RAD23B: variants seen among roughly 807,000 people sequenced by gnomAD.
The protein encoded by RAD23B is RAD23 nucleotide excision repair protein B, also known as lysine-specific demethylase RAD23B.
A neutral mutation model predicts 49.1 loss-of-function variants in RAD23B; 5 were observed. That is an observed-to-expected ratio of 0.10 (90% CI 0.05 to 0.21). The LOEUF (loss-of-function observed/expected upper bound fraction) is 0.21. Among genes scored for constraint, RAD23B ranks in the 10% least tolerant of loss-of-function variants. The probability of loss-of-function intolerance (pLI) is 1.00; values close to 1 mark genes in which losing one functional copy is unlikely to be tolerated. For synonymous variants in RAD23B, 184 were observed against 165.4 expected, an observed-to-expected ratio of 1.11 and a Z score of -0.86; for missense variants, 356 against 486.7, an observed-to-expected ratio of 0.73 and a Z score of 2.53.
At chr9:107,291,530 A>G (rs1024901445) in intron 1 of RAD23B, among the ~76,000 whole-genome samples, 4 of 152,172 alleles carry the variant, frequency 2.6e-5, no homozygotes, top group Non-Finnish European at 4.4e-5. Context: ...TATTGTTTCA[A>G]TTGTAAAAAT....
intron 9 of RAD23B, among the ~76,000 whole-genome samples, chr9:107,327,304 A>C (rs1827225529): frequency 6.6e-6 from 1 of 151,600 alleles, no homozygotes; most frequent in African/African-American, 2.4e-5. Flanking sequence ...GCTTGCTTCT[A>C]GTTTGTTCTT....
At chr9:107,285,614 T>C (rs1422309039) in intron 1 of RAD23B, among the ~76,000 whole-genome samples, 1 of 152,244 alleles carries the variant, frequency 6.6e-6, no homozygotes, top group East Asian at 1.9e-4. Flanking sequence ...CTATTTTTGC[T>C]GTTTTCCAGT....
intron 6 of RAD23B, among the ~76,000 whole-genome samples, chr9:107,321,266 A>AT (rs369191339): frequency 0.032 from 46 of 1,440 alleles, no homozygotes; most frequent in East Asian, 0.17. Flanking sequence ...TAAGTATCTC[A>AT]TTTATGAGAT....
chr9:107,306,045 T>TAA (rs1564245432), intron 3 of RAD23B, among the ~76,000 whole-genome samples: 1 of 26,800 alleles, frequency 3.7e-5, no homozygotes, highest in African/African-American at 1.3e-4. Flanking sequence ...ATGATACGGT[T>TAA]TATATCTATA....
chr9:107,302,864 G>C (rs1826686471), intron 3 of RAD23B, among the ~76,000 whole-genome samples: 1 of 151,948 alleles, frequency 6.6e-6, no homozygotes, highest in Non-Finnish European at 1.5e-5. Context: ...CACCGTGTTA[G>C]CCAGGATGGT....
At chr9:107,311,815 G>A (rs1826895022) in intron 5 of RAD23B, 78 bp downstream of exon 5, 4 of 1,117,720 alleles carry the variant, frequency 3.6e-6, no homozygotes, top group Non-Finnish European at 5.1e-6. Flanking sequence ...CATGATAAAA[G>A]TGTTAATAAT....
chr9:107,305,868 G>C (rs554002798), intron 3 of RAD23B, among the ~76,000 whole-genome samples: 8 of 151,790 alleles, frequency 5.3e-5, no homozygotes, highest in Middle Eastern at 6.8e-3. Flanking sequence ...CTAGCGCTTT[G>C]GGAGCCCGTG....
At chr9:107,321,890 A>G (rs749337626) in intron 6 of RAD23B, 93 bp from the exon 7 acceptor site, 41 of 1,281,332 alleles carry the variant, frequency 3.2e-5, no homozygotes, top group Non-Finnish European at 3.9e-5. Context: ...TTGAAAATCA[A>G]ACAAGATGTT....
At chr9:107,305,540 C>G (rs958068757) in intron 3 of RAD23B, among the ~76,000 whole-genome samples, 3 of 152,000 alleles carry the variant, frequency 2.0e-5, no homozygotes, top group Admixed American at 2.0e-4. Context: ...CAGTTCAAAC[C>G]CTTGTTGTTC....
chr9:107,293,113 G>GT (rs1833416997), intron 1 of RAD23B, among the ~76,000 whole-genome samples: 2 of 150,632 alleles, frequency 1.3e-5, no homozygotes. Context: ...CTTGGTGATG[G>GT]TTATTGACTG....
intron 4 of RAD23B, among the ~76,000 whole-genome samples, chr9:107,311,176 A>G (rs969451793): frequency 2.0e-5 from 3 of 152,020 alleles, no homozygotes; most frequent in Non-Finnish European, 4.4e-5. Flanking sequence ...CCTTTTTTGC[A>G]TATGCTATAT....
At chr9:107,294,197 C>T (rs139831621) in intron 1 of RAD23B, among the ~76,000 whole-genome samples, 6 of 152,124 alleles carry the variant, frequency 3.9e-5, no homozygotes, top group Non-Finnish European at 7.3e-5. Context: ...AAAAACCATG[C>T]CCATCATGTT....
chr9:107,286,901 T>G (rs1488882174), intron 1 of RAD23B, among the ~76,000 whole-genome samples: 3 of 151,706 alleles, frequency 2.0e-5, no homozygotes, highest in African/African-American at 7.3e-5. Flanking sequence ...TGAAACCCCG[T>G]CTCTACTAAA....
At chr9:107,301,739 C>CTA (rs538160863) in intron 2 of RAD23B, among the ~76,000 whole-genome samples, 12 of 152,050 alleles carry the variant, frequency 7.9e-5, no homozygotes, top group African/African-American at 2.9e-4. Flanking sequence ...CAGGGTCTTG[C>CTA]TATGTTGGCC....
intron 1 of RAD23B, among the ~76,000 whole-genome samples, chr9:107,297,913 A>G (rs900840718): frequency 1.3e-5 from 2 of 152,030 alleles, no homozygotes; most frequent in African/African-American, 4.8e-5. Flanking sequence ...TTGTTGCTTC[A>G]TATGTGTCTT....
At chr9:107,314,126 C>G (rs944322954) in intron 5 of RAD23B, among the ~76,000 whole-genome samples, 9 of 152,198 alleles carry the variant, frequency 5.9e-5, no homozygotes, top group African/African-American at 1.9e-4. Context: ...TGGAAAGCAA[C>G]TCTCATGGGG....
chr9:107,284,852 T>A (rs547590882), intron 1 of RAD23B: 2 of 1,228,822 alleles, frequency 1.6e-6, no homozygotes, highest in Admixed American at 2.4e-5. Flanking sequence ...CAAATTACGG[T>A]TAGTTTCATT....
In RAD23B at chr9:107,318,990, C is replaced by A; in HGVS notation, c.681+111C>A. ...TCACTGATATATGCTAGATGATATA[C>A]ATAATGCTTTTTTTTTTCTAGTATG... On this transcript the variant is annotated intron_variant, in intron 6 of 9. Coordinates refer to ENST00000358015, the MANE Select transcript of RAD23B (RefSeq NM_002874.5). The surrounding 1 kb of genome is among the most constrained non-coding windows in gnomAD (Gnocchi z 4.3). The A allele has an allele frequency of 9.9e-7, 1 of 1,013,828 alleles. No homozygotes were observed. The allele number at this position is 1,013,828 out of a possible 1,614,324, so 62.8% of individuals were successfully genotyped here. A position where few individuals can be genotyped will look rare whatever the true frequency, so the allele number is the denominator to read the frequency against.
chr9:107,326,600 T>C (rs1827208228), intron 9 of RAD23B, among the ~76,000 whole-genome samples: 1 of 151,088 alleles, frequency 6.6e-6, no homozygotes, highest in Non-Finnish European at 1.5e-5. Flanking sequence ...CAGTCTCTTG[T>C]TACTTGTCTA....
Sources: allele counts gnomAD v4.1 joint callset (sites outside exome capture counted in the v4.1 genomes callset), GRCh38; gene constraint gnomAD v4.1.1; non-coding constraint Gnocchi (gnomAD v3.1); transcripts MANE v1.5; gene names NCBI Gene and HGNC (gene_info 2026-07-23, HGNC 2026-07-21).